AGO1: variants seen among roughly 807,000 people sequenced by gnomAD.
The protein encoded by AGO1 is protein argonaute-1.
A neutral mutation model predicts 109.2 loss-of-function variants in AGO1; 11 were observed. The observed-to-expected ratio is 0.10, with a 90% CI of 0.06 to 0.17. The LOEUF (loss-of-function observed/expected upper bound fraction) is 0.17. Among genes scored for constraint, AGO1 ranks in the 10% least tolerant of loss-of-function variants. The probability of loss-of-function intolerance (pLI) is 1.00; values close to 1 mark genes in which losing one functional copy is unlikely to be tolerated. For synonymous variants in AGO1, 422 were observed against 418.6 expected, an observed-to-expected ratio of 1.01 and a Z score of -0.10; for missense variants, 574 against 1,140.3, an observed-to-expected ratio of 0.50 and a Z score of 7.15.
At chr1:35,907,681 T>C (rs1645549128) in intron 12 of AGO1, among the ~76,000 whole-genome samples, 2 of 152,200 alleles carry the variant, frequency 1.3e-5, no homozygotes, top group African/African-American at 4.8e-5. Context: ...CTTGTTCAAC[T>C]AACTCCTCTG....
intron 1 of AGO1, among the ~76,000 whole-genome samples, chr1:35,870,384 C>T (rs967481328): frequency 2.6e-5 from 4 of 151,948 alleles, no homozygotes; most frequent in African/African-American, 4.8e-5. Flanking sequence ...CCCAGGTTCA[C>T]GCCATTCTCT....
upstream of AGO1, among the ~76,000 whole-genome samples, chr1:35,879,713 C>T (rs1023144589): frequency 1.1e-4 from 12 of 109,210 alleles, no homozygotes; most frequent in African/African-American, 1.8e-4. Context: ...CCAGCCTGGG[C>T]GACAGAGTGA....
rs775515104 is a variant in AGO1, at chr1:35,883,513, G to A, written c.25+67G>A. 22 of 1,473,244 alleles carry A rather than the reference G, an allele frequency of 1.5e-5. No individual in the cohort carries two copies. The East Asian group carries it at 6.0e-4, about 41-fold the overall frequency. 91.3% of individuals were successfully genotyped at this position (1,473,244 alleles called of 1,614,324 possible). A position where few individuals can be genotyped will look rare whatever the true frequency, so the allele number is the denominator to read the frequency against. ...CTGGGGGATCCCGCATGAAAAGCGT[G>A]GTTTCCAAGTGATGGAAGCGCTCCT... On this transcript the variant is annotated intron_variant, in intron 1 of 18. Coordinates refer to ENST00000373204, the MANE Select transcript of AGO1 (RefSeq NM_012199.5). The surrounding 1 kb of genome is among the most constrained non-coding windows in gnomAD (Gnocchi z 5.4).
chr1:35,898,405 G>A (rs778638855), intron 8 of AGO1, among the ~76,000 whole-genome samples: 3 of 151,784 alleles, frequency 2.0e-5, no homozygotes, highest in South Asian at 2.1e-4. Context: ...TGCAGGCGCC[G>A]ACCACCACGC....
rs1441615560 is a variant in AGO1, at chr1:35,925,603, C to G, written c.*5996C>G. On this transcript the variant is annotated 3_prime_UTR_variant, in exon 19 of 19. Coordinates refer to ENST00000373204, the MANE Select transcript of AGO1 (RefSeq NM_012199.5). ...AATATAATTGAAATAGGCTAGTAGT[C>G]TGTGGTTTATGAGTATGGGCTGGGT... The G allele has an allele frequency of 1.3e-5, 2 of 151,562 alleles. No individual in the cohort carries two copies. The highest frequency in any genetic ancestry group is 2.9e-5 in the Non-Finnish European group (2 of 67,950). 9.4% of individuals were successfully genotyped at this position (151,562 alleles called of 1,614,324 possible). A position where few individuals can be genotyped will look rare whatever the true frequency, so the allele number is the denominator to read the frequency against.
At chr1:35,914,971 A>G (rs987819295) in intron 14 of AGO1, among the ~76,000 whole-genome samples, 17 of 152,270 alleles carry the variant, frequency 1.1e-4, no homozygotes, top group Non-Finnish European at 2.1e-4. Context: ...GAATGGGAAA[A>G]AGGATAAACT....
rs769429758 is a variant in AGO1 at position 35,913,907 on chromosome 1, G to A, written c.1648G>A (p.Val550Met). 1.9e-6 allele frequency: 3 copies of A among 1,614,044 alleles called. No individual in the cohort carries two copies. Among genetic ancestry groups the A allele is most frequent in the South Asian group, 2.2e-5 (2 of 91,076 alleles). Residue 550 changes from valine to methionine, a missense_variant, in exon 13 of 19, where the codon GTG becomes ATG. By Grantham distance (21) the Val-to-Met change is conservative (BLOSUM62 1). This residue lies in a region of AGO1 where 68 missense variants were observed against 200.2 expected (regional missense o/e 0.34). Coordinates refer to ENST00000373204, the MANE Select transcript of AGO1 (RefSeq NM_012199.5). ...TACGCAGTGTGTGCAGGTGAAGAAC[G>A]TGGTCAAGACCTCACCTCAGACTCT... Reference protein sequence around the residue: ...MATQCVQVKNVVKTSPQTLSN... With the variant: ...MATQCVQVKNMVKTSPQTLSN...
chr1:35,910,656 C>T (rs1437552622), intron 12 of AGO1, among the ~76,000 whole-genome samples: 1 of 152,140 alleles, frequency 6.6e-6, no homozygotes, highest in Non-Finnish European at 1.5e-5. Flanking sequence ...TTCTTTCATG[C>T]AACATAAAGT....
intron 17 of AGO1, 87 bp from the exon 18 acceptor site, chr1:35,918,968 G>T: frequency 8.2e-7 from 1 of 1,218,924 alleles, no homozygotes. Flanking sequence ...TATCTACCCA[G>T]CCATATTCTT....
In AGO1 at chr1:35,925,031, T is replaced by C. The variant is rs1397696222; in HGVS notation, c.*5424T>C. On this transcript the variant is annotated 3_prime_UTR_variant, in exon 19 of 19. Transcript: ENST00000373204. Reference sequence around the variant, plus strand: ...CCCCTAAGAAACTCAATTTAAAGGTTCGGGGGAGGAAGCAGATCTTAAGGT... The same window carrying C: ...CCCCTAAGAAACTCAATTTAAAGGTCCGGGGGAGGAAGCAGATCTTAAGGT... The C allele has an allele frequency of 3.3e-5, 5 of 152,072 alleles. No homozygotes were observed. Among genetic ancestry groups the C allele is most frequent in the Admixed American group, 1.3e-4 (2 of 15,272 alleles). 9.4% of individuals were successfully genotyped at this position (152,072 alleles called of 1,614,324 possible).
At chr1:35,918,549 CT>C (rs1294747753) in intron 17 of AGO1, 126 bp downstream of exon 17, 6 of 902,190 alleles carry the variant, frequency 6.7e-6, no homozygotes, top group Non-Finnish European at 1.1e-5. Flanking sequence ...TCTGTTTGTT[CT>C]GTTTTGTTTT....
At position 35,926,944 on chromosome 1, in the gene AGO1, GT is replaced by G. The variant is rs56299314; in HGVS notation, c.*7356del. The G allele has an allele frequency of 0.22, 27,078 of 125,218 alleles. 3,572 individuals are homozygous for G. Among genetic ancestry groups the G allele is most frequent in the East Asian group, 0.62 (2,546 of 4,078 alleles). The allele number at this position is 125,218 out of a possible 1,614,324, so 7.8% of individuals were successfully genotyped here. ...TCTTGGCAATGGTTTTTTGTTTGGG[GT>G]TTTTTTTTTTTTTTTTTTGGACAAA... On this transcript the variant is annotated 3_prime_UTR_variant, in exon 19 of 19. Transcript: ENST00000373204.
At chr1:35,872,551 A>G (rs1409467074) in intron 1 of AGO1, among the ~76,000 whole-genome samples, 1 of 151,762 alleles carries the variant, frequency 6.6e-6, no homozygotes, top group Admixed American at 6.6e-5. Flanking sequence ...TTTTATTTCT[A>G]TTCTTTTTAA....
chr1:35,917,600 A>C lies in AGO1; in HGVS notation c.2036A>C (p.His679Pro). Reference sequence around the variant, plus strand: ...CCATTTTTTTGTGCCTAGATACTCCACTATGAGCTACTGGCCATTCGTGAT... The same window carrying C: ...CCATTTTTTTGTGCCTAGATACTCCCCTATGAGCTACTGGCCATTCGTGAT... ...VPEGQLPQIL[H>P]YELLAIRDAC... The change falls in exon 16 of 19, where the codon CAC becomes CCC. Residue 679 changes from histidine to proline, a missense_variant. His to Pro is a moderately conservative substitution (Grantham distance 77, BLOSUM62 -2). Coordinates refer to ENST00000373204, the MANE Select transcript of AGO1 (RefSeq NM_012199.5). 6.2e-7 allele frequency: 1 copy of C among 1,613,002 alleles called. No homozygotes were observed. Among genetic ancestry groups the C allele is most frequent in the Non-Finnish European group, 8.5e-7 (1 of 1,179,120 alleles).
chr1:35,897,177 A>AT (rs1218650166), intron 8 of AGO1, among the ~76,000 whole-genome samples: 8 of 152,210 alleles, frequency 5.3e-5, no homozygotes, highest in Non-Finnish European at 1.2e-4. Flanking sequence ...TCAGATGGTG[A>AT]TAAGTGCTAT....
chr1:35,893,661 C>A lies in AGO1; in HGVS notation c.513-13C>A. On this transcript the variant is annotated splice_polypyrimidine_tract_variant and intron_variant, in intron 4 of 18. Transcript: ENST00000373204. The surrounding 1 kb of genome is among the most constrained non-coding windows in gnomAD (Gnocchi z 5.6). ...TGTGCCCGAGGGACCAGTTCTCTGC[C>A]TGTCCCTGCCAGGTACACCCCTGTG... The A allele has an allele frequency of 6.2e-7, 1 of 1,604,754 alleles. No homozygotes were observed. The highest frequency in any genetic ancestry group is 1.1e-5 in the South Asian group (1 of 90,352).
At chr1:35,871,343 C>T (rs993689433) in intron 1 of AGO1, among the ~76,000 whole-genome samples, 3 of 150,902 alleles carry the variant, frequency 2.0e-5, no homozygotes, top group East Asian at 2.0e-4. Context: ...ATCAGGAGTT[C>T]GAGACCAGTC....
At chr1:35,870,623 T>A (rs546277280) in intron 1 of AGO1, among the ~76,000 whole-genome samples, 1 of 152,206 alleles carries the variant, frequency 6.6e-6, no homozygotes, top group Non-Finnish European at 1.5e-5. Flanking sequence ...AGACACCTAT[T>A]ATCCACCATT....
At chr1:35,898,224 C>T (rs1269367318) in intron 8 of AGO1, among the ~76,000 whole-genome samples, 3 of 151,718 alleles carry the variant, frequency 2.0e-5, no homozygotes, top group Non-Finnish European at 2.9e-5. Flanking sequence ...GGAGTATACA[C>T]CTAAGAGTGA....
Sources: allele counts gnomAD v4.1 joint callset (sites outside exome capture counted in the v4.1 genomes callset), GRCh38; gene constraint gnomAD v4.1.1; regional missense constraint gnomAD v4.1.1; non-coding constraint Gnocchi (gnomAD v3.1); transcripts MANE v1.5; gene names NCBI Gene and HGNC (gene_info 2026-07-23, HGNC 2026-07-21).